Variants in DPF1 observed in about 807,000 individuals in gnomAD.
The protein encoded by DPF1 is zinc finger protein neuro-d4.
A neutral mutation model predicts 58.7 loss-of-function variants in DPF1; 14 were observed. The observed-to-expected ratio is 0.24, with a 90% CI of 0.16 to 0.37. The LOEUF is 0.37. Among genes scored for constraint, DPF1 ranks in the 10% least tolerant of loss-of-function variants. DPF1 has a pLI of 1.00. For missense variants in DPF1, 345 were observed against 529.9 expected (o/e 0.65, Z 3.43); for synonymous variants, 216 against 216.0 (o/e 1.00, Z 0.00).
intron 9 of DPF1, among the ~76,000 whole-genome samples, chr19:38,214,225 G>A (rs1973677058): frequency 6.6e-6 from 1 of 152,156 alleles, no homozygotes; most frequent in Non-Finnish European, 1.5e-5. Flanking sequence ...TCGGTTTCAT[G>A]CAACTGAAGT....
chr19:38,221,539 C>CA (rs200256600), intron 3 of DPF1, among the ~76,000 whole-genome samples: 37,612 of 140,402 alleles, frequency 0.27, 6,090 homozygotes, highest in African/African-American at 0.44. Context: ...GACTCCATCT[C>CA]AAAAAAAAAA....
upstream of DPF1, chr19:38,224,368 C>G: frequency 1.8e-6 from 2 of 1,099,646 alleles, no homozygotes; most frequent in Non-Finnish European, 2.3e-6. This position sits in a 1 kb window ranked among gnomAD's most constrained non-coding sequence, Gnocchi z 4.5. Flanking sequence ...GGAGGAGGGG[C>G]CCGGGGCACG....
At chr19:38,225,872 G>A (rs1326872109), upstream of DPF1, among the ~76,000 whole-genome samples, 2 of 142,548 alleles carry the variant, frequency 1.4e-5, no homozygotes, top group Non-Finnish European at 3.0e-5. Context: ...CTGGACAACT[G>A]AGCAAGACCC....
At chr19:38,224,331 C>A, upstream of DPF1, 2 of 1,232,662 alleles carry the variant, frequency 1.6e-6, no homozygotes, top group Non-Finnish European at 2.0e-6. This position sits in a 1 kb window ranked among gnomAD's most constrained non-coding sequence, Gnocchi z 4.5. Flanking sequence ...AGGGGGCCCC[C>A]GGGACCCCGC....
In DPF1 at chr19:38,222,521, G is replaced by T. The variant is rs749837638; in HGVS notation, c.190+27C>A. Reference sequence around the variant, plus strand: ...CGGTGGGGCGGCCTGGCCCCGCCCCGCCCTGCGCCAGCCCTCCCGGCGGTA... The same window carrying T: ...CGGTGGGGCGGCCTGGCCCCGCCCCTCCCTGCGCCAGCCCTCCCGGCGGTA... On this transcript the variant is annotated intron_variant, in intron 2 of 11. Transcript: ENST00000355526. This position sits in a 1 kb window ranked among gnomAD's most constrained non-coding sequence, Gnocchi z 4.9. 6.9e-6 allele frequency: 11 copies of T among 1,604,912 alleles called. No individual in the cohort carries two copies. In the Admixed American group the frequency reaches 8.5e-5, roughly 12 times the overall value.
upstream of DPF1, among the ~76,000 whole-genome samples, chr19:38,224,536 C>T (rs1226016346): frequency 6.6e-6 from 1 of 152,190 alleles, no homozygotes; most frequent in African/African-American, 2.4e-5. The surrounding 1 kb of genome is among the most constrained non-coding windows in gnomAD (Gnocchi z 4.5). Context: ...CACACACCTT[C>T]GCACGGACTC....
rs988228973 is a variant in DPF1, at chr19:38,217,855, G to A, written c.538C>T (p.Arg180Trp). 3 of 1,613,938 alleles carry A rather than the reference G, an allele frequency of 1.9e-6. No homozygotes were observed. Among genetic ancestry groups the A allele is most frequent in the Admixed American group, 1.7e-5 (1 of 59,988 alleles). Residue 180 changes from arginine (R) to tryptophan (W), a missense_variant, in exon 6 of 12, where the codon CGG becomes TGG. Arg to Trp is a moderately radical substitution (Grantham distance 101). Transcript: ENST00000355526. ...AGGGAAGCGGTGTCCTGGCGTTTCC[G>A]GAGACCCCCGATGCCATATGCCTGT... ...KGKAYGIGGL[R>W]KRQDTASLED...
At position 38,222,560 on chromosome 19, in the gene DPF1, G is replaced by T; in HGVS notation, c.178C>A (p.His60Asn). ...NNCYIWMEKT[H>N]RGPGLAPGQI... is the part of the protein sequence containing the mutation. ...CTCCCGGCGGTACCCGGCCCGCGGTGGGTCTTCTCCATCCAGATGTAGCAG... is the reference window on the plus strand; with the variant it reads ...CTCCCGGCGGTACCCGGCCCGCGGTTGGTCTTCTCCATCCAGATGTAGCAG... Residue 60 changes from histidine to asparagine, a missense_variant, in exon 2 of 12, where the codon CAC (histidine) becomes AAC (asparagine). His to Asn is a moderately conservative substitution (Grantham distance 68, BLOSUM62 1). Transcript: ENST00000355526. The surrounding 1 kb of genome is among the most constrained non-coding windows in gnomAD (Gnocchi z 4.9). 1 of 1,609,372 alleles carries T rather than the reference G, an allele frequency of 6.2e-7. No individual in the cohort carries two copies. Among genetic ancestry groups the T allele is most frequent in the Non-Finnish European group, 8.5e-7 (1 of 1,178,230 alleles).
At chr19:38,216,480 A>C in intron 7 of DPF1, 77 bp from the exon 8 acceptor site, 5 of 1,481,536 alleles carry the variant, frequency 3.4e-6, no homozygotes, top group Non-Finnish European at 4.5e-6. Context: ...AGCCCCAAGG[A>C]TGGACCTCTT....
At chr19:38,225,709 C>T (rs1025223776), upstream of DPF1, among the ~76,000 whole-genome samples, 1 of 151,618 alleles carries the variant, frequency 6.6e-6, no homozygotes, top group Non-Finnish European at 1.5e-5. Flanking sequence ...GGCAACATAG[C>T]GAGACCTGGT....
chr19:38,222,780 C>CTGG lies in DPF1; in HGVS notation c.30-73_30-72insCCA. ...CACAGGGTCGCCCAGCACCCCTTCCCCGGCTGCCGGGCCGCCCAGGCTCGG... is the reference window on the plus strand; with the variant it reads ...CACAGGGTCGCCCAGCACCCCTTCCCTGGCGGCTGCCGGGCCGCCCAGGCTCGG... On this transcript the variant is annotated intron_variant, in intron 1 of 11. Transcript: ENST00000355526. This position sits in a 1 kb window ranked among gnomAD's most constrained non-coding sequence, Gnocchi z 4.9. The CTGG allele has an allele frequency of 7.0e-7, 1 of 1,434,078 alleles. No individual in the cohort carries two copies. The highest frequency in any genetic ancestry group is 9.1e-7 in the Non-Finnish European group (1 of 1,093,694). 88.8% of individuals were successfully genotyped at this position (1,434,078 alleles called of 1,614,324 possible).
At chr19:38,226,458 C>CAA (rs1411340140), upstream of DPF1, among the ~76,000 whole-genome samples, 2 of 149,488 alleles carry the variant, frequency 1.3e-5, no homozygotes, top group Admixed American at 6.7e-5. Context: ...GAAATCCCCC[C>CAA]AAGAGAGAGA....
Position 38,222,974 on chromosome 19 carries a change from T to A in DPF1, c.30-266A>T. On this transcript the variant is annotated intron_variant, in intron 1 of 11. Coordinates refer to ENST00000355526, the MANE Select transcript of DPF1 (RefSeq NM_001135155.3). This position sits in a 1 kb window ranked among gnomAD's most constrained non-coding sequence, Gnocchi z 4.9. ...ACAAACAAAAACACACCGGGACGTATCCCTACCTGAACACATGCAGACACA... is the reference window on the plus strand; with the variant it reads ...ACAAACAAAAACACACCGGGACGTAACCCTACCTGAACACATGCAGACACA... 1 of 480,958 alleles carries A rather than the reference T, an allele frequency of 2.1e-6. No individual in the cohort carries two copies. The highest frequency in any genetic ancestry group is 2.1e-5 in the African/African-American group (1 of 48,620). The allele number at this position is 480,958 out of a possible 1,614,324, so 29.8% of individuals were successfully genotyped here.
chr19:38,212,181 G>A lies in DPF1; in HGVS notation c.1094-48C>T, dbSNP rs200074403. The A allele has an allele frequency of 3.2e-6, 5 of 1,583,816 alleles. No individual in the cohort carries two copies. The African/African-American group carries it at 6.7e-5, about 21-fold the overall frequency. On this transcript the variant is annotated intron_variant, in intron 11 of 11. Coordinates refer to ENST00000355526, the MANE Select transcript of DPF1 (RefSeq NM_001135155.3). Reference sequence around the variant, plus strand: ...AGTCAGGCCCGGGTCCGGGAGGGCTGCCCCAGCCCCTTCCCACCCCGAGGA... The same window carrying A: ...AGTCAGGCCCGGGTCCGGGAGGGCTACCCCAGCCCCTTCCCACCCCGAGGA...
At chr19:38,224,547 A>T (rs1267150691), upstream of DPF1, among the ~76,000 whole-genome samples, 1 of 152,118 alleles carries the variant, frequency 6.6e-6, no homozygotes, top group African/African-American at 2.4e-5. This position sits in a 1 kb window ranked among gnomAD's most constrained non-coding sequence, Gnocchi z 4.5. Context: ...GCACGGACTC[A>T]CACAGCCACA....
In DPF1 at chr19:38,212,018, C is replaced by T. The variant is rs751485306; in HGVS notation, c.*45G>A. The T allele has an allele frequency of 5.7e-6, 9 of 1,588,062 alleles. No homozygotes were observed. The African/African-American group carries it at 6.7e-5, about 12-fold the overall frequency. ...GGGAGAATTGAGGAGCTCGGAGAGG[C>T]AGGTAGGCGAGCACCACCCCAGAGT... is the stretch of plus-strand genomic sequence containing the variant. On this transcript the variant is annotated 3_prime_UTR_variant, in exon 12 of 12. Transcript: ENST00000355526.
At chr19:38,226,424 T>C (rs1460976643), upstream of DPF1, among the ~76,000 whole-genome samples, 1 of 150,292 alleles carries the variant, frequency 6.7e-6, no homozygotes, top group Non-Finnish European at 1.5e-5. Flanking sequence ...AGTGGCCCGC[T>C]AGCCTTCACC....
chr19:38,213,631 G>A lies in DPF1; in HGVS notation c.1011+13C>T, dbSNP rs202114804. 11 of 1,609,418 alleles carry A rather than the reference G, an allele frequency of 6.8e-6. No individual in the cohort carries two copies. The highest frequency in any genetic ancestry group is 3.3e-5 in the Admixed American group (2 of 59,780). ...GCGGGCAGCAGGGCACGCGGGGGGC[G>A]GGCGGCACTCACGTCGTTCTCGGAG... On this transcript the variant is annotated intron_variant, in intron 10 of 11. Transcript: ENST00000355526.
rs772895433 is a variant in DPF1 at position 38,224,067 on chromosome 19, G to A, written c.29+47C>T. 6.7e-7 allele frequency: 1 copy of A among 1,488,920 alleles called. No individual in the cohort carries two copies. The highest frequency in any genetic ancestry group is 2.7e-5 in the East Asian group (1 of 36,708). 92.2% of individuals were successfully genotyped at this position (1,488,920 alleles called of 1,614,324 possible). A position where few individuals can be genotyped will look rare whatever the true frequency, so the allele number is the denominator to read the frequency against. On this transcript the variant is annotated intron_variant, in intron 1 of 11. Coordinates refer to ENST00000355526, the MANE Select transcript of DPF1 (RefSeq NM_001135155.3). This position sits in a 1 kb window ranked among gnomAD's most constrained non-coding sequence, Gnocchi z 4.5. ...GGTCGCCACACACACACAGGCCCGC[G>A]TAGACCCGCCCGCGCTTCCTCTCCG...
Sources: gnomAD v4.1 joint callset for allele counts (sites outside exome capture counted in the v4.1 genomes callset) on GRCh38, gnomAD v4.1.1 for gene constraint, Gnocchi (gnomAD v3.1) non-coding constraint, MANE v1.5 for transcripts, NCBI Gene and HGNC (gene_info 2026-07-23, HGNC 2026-07-21) for gene names.